Variants in LAP3 observed in about 807,000 individuals in gnomAD.
LAP3 encodes the protein cytosol aminopeptidase.
LAP3 carries 46 observed loss-of-function variants against 58.8 expected under a neutral mutation model. The observed-to-expected ratio is 0.78, with a 90% confidence interval of 0.62 to 1.00. LAP3 has a LOEUF of 1.00. LAP3 is among the 50% of genes least tolerant of loss of function. LAP3 has a pLI of 0.00. For missense variants in LAP3, 615 were observed against 659.1 expected (o/e 0.93, Z 0.73); for synonymous variants, 257 against 237.7 (o/e 1.08, Z -0.75).
chr4:17,582,270 G>A lies in LAP3; in HGVS notation c.274-18G>A, dbSNP rs1713384260. On this transcript the variant is annotated intron_variant, in intron 3 of 12. Transcript: ENST00000226299. ...TTGAAAGAAATAAAGTGGTTGATTTGGTGTATCTGTGGGACAGGACTTCCC... is the reference window on the plus strand; with the variant it reads ...TTGAAAGAAATAAAGTGGTTGATTTAGTGTATCTGTGGGACAGGACTTCCC... The A allele has an allele frequency of 6.3e-7, 1 of 1,595,138 alleles. No homozygotes were observed. Among genetic ancestry groups the A allele is most frequent in the Non-Finnish European group, 8.6e-7 (1 of 1,163,274 alleles).
intron 1 of LAP3, 69 bp downstream of exon 1, chr4:17,577,636 C>T: frequency 8.0e-7 from 1 of 1,246,118 alleles, no homozygotes; most frequent in Non-Finnish European, 1.1e-6. Flanking sequence ...GGCTGCGGGG[C>T]TGGTCGAAGC....
rs1323957583 is a variant in LAP3, at chr4:17,577,526, C to A, written c.61C>A (p.Arg21Ser). 3 of 1,582,244 alleles carry A rather than the reference C, an allele frequency of 1.9e-6. No individual in the cohort carries two copies. In the South Asian group the frequency reaches 3.5e-5, roughly 18 times the overall value. Reference protein sequence around the residue: ...RVVVRRLAVRRFGSRSLSTAD... With the variant: ...RVVVRRLAVRSFGSRSLSTAD... ...AGTCGTCCGACGTCTGGCCGTGAGA[C>A]GTTTCGGGAGCCGGAGTCTCTCCAC... The change falls in exon 1 of 13, where the codon CGT becomes AGT. Residue 21 changes from arginine (R) to serine (S), a missense_variant. Transcript: ENST00000226299.
chr4:17,606,077 C>G (rs1284758172), intron 11 of LAP3, among the ~76,000 whole-genome samples: 1 of 152,166 alleles, frequency 6.6e-6, no homozygotes, highest in Non-Finnish European at 1.5e-5. Context: ...TTTCAGCACA[C>G]CTGGTGGTGC....
intron 10 of LAP3, among the ~76,000 whole-genome samples, chr4:17,603,810 G>A (rs2109024365): frequency 7.4e-6 from 1 of 134,768 alleles, no homozygotes; most frequent in Non-Finnish European, 1.6e-5. Context: ...CATTGCGCCT[G>A]GCCTTTTTTT....
At chr4:17,604,318 C>CA (rs1203878311) in intron 10 of LAP3, among the ~76,000 whole-genome samples, 1 of 89,268 alleles carries the variant, frequency 1.1e-5, no homozygotes. Context: ...AAGGAAATTT[C>CA]AAAAATAGGT....
At chr4:17,603,714 A>C (rs1287801753) in intron 10 of LAP3, among the ~76,000 whole-genome samples, 2 of 151,280 alleles carry the variant, frequency 1.3e-5, no homozygotes, top group African/African-American at 4.9e-5. Flanking sequence ...GGGTTTCTCC[A>C]TGTTGGTCAG....
chr4:17,587,211 C>T (rs956024023), intron 6 of LAP3, among the ~76,000 whole-genome samples: 11 of 152,034 alleles, frequency 7.2e-5, no homozygotes, highest in South Asian at 2.1e-4. Flanking sequence ...AACTTGTAGC[C>T]GAGCAAAGGG....
intron 9 of LAP3, among the ~76,000 whole-genome samples, chr4:17,597,577 G>A (rs1429807430): frequency 2.0e-5 from 3 of 152,198 alleles, no homozygotes; most frequent in Non-Finnish European, 4.4e-5. Context: ...CCCCTGAGTA[G>A]CTTTTCTTGC....
At chr4:17,598,980 C>T (rs1050039293) in intron 10 of LAP3, among the ~76,000 whole-genome samples, 5 of 152,050 alleles carry the variant, frequency 3.3e-5, no homozygotes, top group Non-Finnish European at 7.4e-5. Flanking sequence ...TCAGGTGATC[C>T]ACCCGCCTCA....
In LAP3 at chr4:17,577,452, G is replaced by A. The variant is rs764595342; in HGVS notation, c.-14G>A. 78 of 1,544,160 alleles carry A rather than the reference G, an allele frequency of 5.1e-5. No homozygotes were observed. In the Admixed American group the frequency reaches 6.1e-4, roughly 12 times the overall value. On this transcript the variant is annotated 5_prime_UTR_variant, in exon 1 of 13. Transcript: ENST00000226299. Reference sequence around the variant, plus strand: ...TGCTCGCTGGAGGGCGGTGCGAGGGGCCGAGCCGACAAGATGTTCTTGCTG... The same window carrying A: ...TGCTCGCTGGAGGGCGGTGCGAGGGACCGAGCCGACAAGATGTTCTTGCTG...
chr4:17,582,079 C>T (rs1329306130), intron 3 of LAP3: 7 of 600,514 alleles, frequency 1.2e-5, no homozygotes, highest in Non-Finnish European at 2.1e-5. Flanking sequence ...CTTACTCTGC[C>T]TCTCAAACCT....
chr4:17,582,954 A>G (rs979536564), intron 4 of LAP3, among the ~76,000 whole-genome samples: 6 of 152,208 alleles, frequency 3.9e-5, no homozygotes, highest in African/African-American at 9.6e-5. Context: ...CTTGATTACT[A>G]TTTAGGCCTG....
chr4:17,605,549 A>AG (rs1351432019), intron 11 of LAP3, among the ~76,000 whole-genome samples: 1 of 148,554 alleles, frequency 6.7e-6, no homozygotes, highest in East Asian at 2.1e-4. Context: ...TGCCAGTGGG[A>AG]GGGGAGACAA....
intron 2 of LAP3, 51 bp from the exon 3 acceptor site, chr4:17,581,709 G>C (rs1713367500): frequency 6.8e-7 from 1 of 1,474,284 alleles, no homozygotes; most frequent in South Asian, 1.1e-5. Context: ...GCCTTCCCAA[G>C]TGAACCGAGC....
rs576931157 is a variant in LAP3, at chr4:17,589,261, G to A, written c.863+284G>A. Among the ~76,000 whole-genome samples the A allele has an allele frequency of 1.3e-4, 20 of 151,966 alleles. 1 individual carries two copies. The highest frequency in any genetic ancestry group is 7.8e-4 in the East Asian group (4 of 5,160). On this transcript the variant is annotated intron_variant, in intron 7 of 12. Coordinates refer to ENST00000226299, the MANE Select transcript of LAP3 (RefSeq NM_015907.3). ...TTTTTAGTGGAGATGGGGTTTTGCC[G>A]TGTTGGCCAGGCTGGTTTTGAACTC... is the stretch of plus-strand genomic sequence containing the variant.
In LAP3 at chr4:17,577,369, ACG is replaced by A. The variant is rs1441425851; in HGVS notation, c.-95_-94del. 3 of 911,544 alleles carry A rather than the reference ACG, an allele frequency of 3.3e-6. No individual in the cohort carries two copies. Among genetic ancestry groups the A allele is most frequent in the Non-Finnish European group, 4.7e-6 (3 of 644,402 alleles). The allele number at this position is 911,544 out of a possible 1,614,324, so 56.5% of individuals were successfully genotyped here. Reference sequence around the variant, plus strand: ...CCGGCGCCCGAGCCAGTCCGCGCGCACGCCGTCTGCGCCCCGAAAGCCCCGCC... The same window carrying A: ...CCGGCGCCCGAGCCAGTCCGCGCGCACCGTCTGCGCCCCGAAAGCCCCGCC... On this transcript the variant is annotated 5_prime_UTR_variant, in exon 1 of 13. Coordinates refer to ENST00000226299, the MANE Select transcript of LAP3 (RefSeq NM_015907.3).
In LAP3 at chr4:17,581,824, G is replaced by C. The variant is rs568531635; in HGVS notation, c.273+10G>C. ...TTATGGTCTGCATCAGGTATGAGAA[G>C]AACGTGATCATTTGGTAAACCCTCA... On this transcript the variant is annotated intron_variant, in intron 3 of 12. Transcript: ENST00000226299. The C allele has an allele frequency of 6.2e-7, 1 of 1,610,904 alleles. No homozygotes were observed. Among genetic ancestry groups the C allele is most frequent in the East Asian group, 2.2e-5 (1 of 44,874 alleles).
intron 7 of LAP3, among the ~76,000 whole-genome samples, chr4:17,594,799 A>G (rs1354283147): frequency 6.6e-6 from 1 of 152,198 alleles, no homozygotes; most frequent in Non-Finnish European, 1.5e-5. Context: ...AAATGCCTCC[A>G]GTCATCTCTG....
chr4:17,581,748 C>G lies in LAP3; in HGVS notation c.219-12C>G. 6.2e-7 allele frequency: 1 copy of G among 1,611,662 alleles called. No homozygotes were observed. Among genetic ancestry groups the G allele is most frequent in the South Asian group, 1.1e-5 (1 of 90,924 alleles). ...ATACTTGTTTTAAAACGACTATTTCCTCTTGTTTTAGATCTGGACCACCTC... is the reference window on the plus strand; with the variant it reads ...ATACTTGTTTTAAAACGACTATTTCGTCTTGTTTTAGATCTGGACCACCTC... On this transcript the variant is annotated splice_polypyrimidine_tract_variant and intron_variant, in intron 2 of 12. Coordinates refer to ENST00000226299, the MANE Select transcript of LAP3 (RefSeq NM_015907.3).
Sources: allele counts gnomAD v4.1 joint callset (sites outside exome capture counted in the v4.1 genomes callset), GRCh38; gene constraint gnomAD v4.1.1; transcripts MANE v1.5; gene names NCBI Gene and HGNC (gene_info 2026-07-23, HGNC 2026-07-21).